Variants in MACROD2 observed in about 807,000 individuals in gnomAD.
MACROD2 encodes the protein mono-ADP ribosylhydrolase 2, also known as ADP-ribose glycohydrolase MACROD2.
In MACROD2, 36 loss-of-function variants were observed where a neutral mutation model predicts 70.4. The ratio of observed to expected loss-of-function variants is 0.51; its 90% CI spans 0.39 to 0.68. MACROD2 has a LOEUF of 0.68. Among genes scored for constraint, MACROD2 ranks in the 30% least tolerant of loss-of-function variants. The probability of loss-of-function intolerance (pLI) is 0.00; values close to 1 mark genes in which losing one functional copy is unlikely to be tolerated. For synonymous variants in MACROD2, 172 were observed against 178.8 expected (o/e 0.96, Z 0.30); for missense variants, 496 against 538.4 (o/e 0.92, Z 0.78).
intron 8 of MACROD2, among the ~76,000 whole-genome samples, chr20:15,857,504 G>T (rs1256789177): frequency 6.6e-6 from 1 of 152,194 alleles, no homozygotes; most frequent in East Asian, 1.9e-4. Context: ...ACATGTGGCA[G>T]AAGAACCATC....
intron 5 of MACROD2, among the ~76,000 whole-genome samples, chr20:14,820,662 T>C (rs996879910): frequency 6.6e-6 from 1 of 152,070 alleles, no homozygotes; most frequent in African/African-American, 2.4e-5. Context: ...CATTAGCCAG[T>C]TAGTTACATT....
chr20:14,487,233 C>T (rs1202690478), intron 3 of MACROD2, among the ~76,000 whole-genome samples: 3 of 152,176 alleles, frequency 2.0e-5, no homozygotes, highest in Admixed American at 2.0e-4. Context: ...TGACCCTTGG[C>T]ATGTGCCAGG....
chr20:14,971,080 T>TA (rs756785117), intron 5 of MACROD2, among the ~76,000 whole-genome samples: 26 of 152,192 alleles, frequency 1.7e-4, no homozygotes, highest in Non-Finnish European at 3.2e-4. Flanking sequence ...GCATATAACT[T>TA]ACGCACATTC....
At chr20:14,244,352 T>C (rs1044549094) in intron 3 of MACROD2, among the ~76,000 whole-genome samples, 7 of 152,072 alleles carry the variant, frequency 4.6e-5, no homozygotes, top group African/African-American at 1.7e-4. Flanking sequence ...GAAAGTGAAC[T>C]TCAAAATTAT....
intron 6 of MACROD2, among the ~76,000 whole-genome samples, chr20:15,299,202 C>A (rs748515332): frequency 1.3e-4 from 20 of 151,992 alleles, no homozygotes; most frequent in Non-Finnish European, 2.6e-4. Context: ...TAAATTTCAC[C>A]TAATTTATTT....
intron 5 of MACROD2, among the ~76,000 whole-genome samples, chr20:14,723,413 T>G (rs1440735301): frequency 6.6e-6 from 1 of 151,994 alleles, no homozygotes; most frequent in Admixed American, 6.6e-5. Context: ...TGCTTTGGAA[T>G]CTGGCAGGAG....
intron 3 of MACROD2, among the ~76,000 whole-genome samples, chr20:14,442,276 A>G (rs1473897343): frequency 6.6e-6 from 1 of 152,092 alleles, no homozygotes; most frequent in African/African-American, 2.4e-5. Context: ...TGTCAAAACA[A>G]ACAAACAAAC....
intron 4 of MACROD2, among the ~76,000 whole-genome samples, chr20:14,528,112 T>A (rs1231387593): frequency 2.4e-5 from 2 of 82,236 alleles, no homozygotes; most frequent in African/African-American, 6.5e-5. Context: ...CTGTCTACAC[T>A]TTTTTTTTTT....
rs564454084 is a variant in MACROD2 at position 14,392,498 on chromosome 20, T to G, written c.272-100981T>G. ...GACTTAGTATGCAGAAGCTGGACTT[T>G]GCCTTGTTATATATGATAATTAAAT... On this transcript the variant is annotated intron_variant, in intron 3 of 17. Transcript: ENST00000684519. 7.9e-5 allele frequency among the ~76,000 whole-genome samples: 12 copies of G among 152,316 alleles called. No homozygotes were observed. The South Asian group carries it at 2.5e-3, about 32-fold the overall frequency.
intron 7 of MACROD2, among the ~76,000 whole-genome samples, chr20:15,481,427 ATGT>A (rs945557811): frequency 6.6e-6 from 1 of 152,150 alleles, no homozygotes. Flanking sequence ...GATGAGGTAA[ATGT>A]TGTCACATTG....
At chr20:14,007,387 T>G (rs1321784534) in intron 2 of MACROD2, among the ~76,000 whole-genome samples, 2 of 152,150 alleles carry the variant, frequency 1.3e-5, no homozygotes, top group African/African-American at 4.8e-5. Context: ...TCTCCTCTTC[T>G]CTGTCTCTTC....
intron 15 of MACROD2, among the ~76,000 whole-genome samples, chr20:16,027,209 C>T (rs541094200): frequency 1.3e-4 from 20 of 152,214 alleles, no homozygotes; most frequent in African/African-American, 3.1e-4. Flanking sequence ...TTAGCAGAAC[C>T]GCATGCATTT....
At chr20:15,561,798 G>A (rs148923800) in intron 8 of MACROD2, among the ~76,000 whole-genome samples, 3 of 152,170 alleles carry the variant, frequency 2.0e-5, no homozygotes, top group Non-Finnish European at 4.4e-5. Context: ...ACCCTGGGGC[G>A]TGCCGAGGGA....
chr20:15,111,102 A>G (rs1039965769), intron 5 of MACROD2, among the ~76,000 whole-genome samples: 2 of 152,024 alleles, frequency 1.3e-5, no homozygotes, highest in African/African-American at 4.8e-5. Flanking sequence ...ACTCACACAT[A>G]TAATCAATCT....
At chr20:14,942,178 A>G (rs1212460997) in intron 5 of MACROD2, among the ~76,000 whole-genome samples, 2 of 152,090 alleles carry the variant, frequency 1.3e-5, no homozygotes, top group Non-Finnish European at 2.9e-5. Flanking sequence ...GTCACTTATT[A>G]TCTATCATTA....
chr20:14,434,501 A>G (rs2084033049), intron 3 of MACROD2, among the ~76,000 whole-genome samples: 1 of 152,066 alleles, frequency 6.6e-6, no homozygotes, highest in African/African-American at 2.4e-5. Context: ...ATGCCCTTGC[A>G]ATTGTTAGTT....
intron 2 of MACROD2, among the ~76,000 whole-genome samples, chr20:14,059,689 A>G (rs973914884): frequency 1.3e-5 from 2 of 152,188 alleles, no homozygotes; most frequent in African/African-American, 2.4e-5. Flanking sequence ...ATTCAATATT[A>G]CTGATTGAAT....
intron 8 of MACROD2, among the ~76,000 whole-genome samples, chr20:15,586,270 G>A (rs1364135580): frequency 3.9e-5 from 6 of 152,178 alleles, no homozygotes; most frequent in Non-Finnish European, 8.8e-5. Context: ...TAGGTCTGGT[G>A]TGGGGCCTTA....
chr20:15,915,908 TCCC>T (rs1403996751), intron 10 of MACROD2, among the ~76,000 whole-genome samples: 1 of 151,558 alleles, frequency 6.6e-6, no homozygotes, highest in Non-Finnish European at 1.5e-5. Flanking sequence ...TGGAAGGAAA[TCCC>T]CCGTTATGGA....
Sources: allele counts gnomAD v4.1 joint callset (sites outside exome capture counted in the v4.1 genomes callset), GRCh38; gene constraint gnomAD v4.1.1; transcripts MANE v1.5; gene names NCBI Gene and HGNC (gene_info 2026-07-23, HGNC 2026-07-21).